Variants in EPSTI1 observed in about 807,000 individuals in gnomAD.
EPSTI1 encodes the protein epithelial stromal interaction 1.
In EPSTI1, 66 loss-of-function variants were observed where a neutral mutation model predicts 49.9. The observed-to-expected ratio is 1.32, with a 90% CI of 1.08 to 1.62. The LOEUF (loss-of-function observed/expected upper bound fraction) is 1.62. EPSTI1 is among the 40% of genes most tolerant of loss of function. The pLI is 0.00. For synonymous variants in EPSTI1, 137 were observed against 130.7 expected (o/e 1.05, Z -0.33); for missense variants, 394 against 365.5 (o/e 1.08, Z -0.64).
intron 10 of EPSTI1, chr13:42,889,193 T>A: frequency 1.3e-6 from 2 of 1,563,496 alleles, no homozygotes; most frequent in Non-Finnish European, 1.7e-6. Context: ...TTTAAAGGGA[T>A]GTTTTTAAGT....
chr13:42,951,552 T>A (rs761518316), intron 6 of EPSTI1, among the ~76,000 whole-genome samples: 35 of 152,232 alleles, frequency 2.3e-4, no homozygotes, highest in Non-Finnish European at 4.6e-4. Flanking sequence ...GCAGGCCAGG[T>A]GGCTGAGGGC....
At chr13:42,916,023 T>C (rs1248923164) in intron 8 of EPSTI1, among the ~76,000 whole-genome samples, 1 of 152,076 alleles carries the variant, frequency 6.6e-6, no homozygotes, top group Non-Finnish European at 1.5e-5. Context: ...TAAAAATAAA[T>C]CATATCTACA....
Position 42,970,632 on chromosome 13 carries a change from C to G in EPSTI1, c.227G>C (p.Arg76Pro). ...CATACTTCTTTGTATCTCATTTCTCCGGTTTATATTTGGTGCTATCAAGGT... is the reference window on the plus strand; with the variant it reads ...CATACTTCTTTGTATCTCATTTCTCGGGTTTATATTTGGTGCTATCAAGGT... ...AYTLIAPNIN[R>P]RNEIQRIAEQ... is the part of the protein sequence containing the mutation. The change falls in exon 2 of 11, where the codon CGG (arginine) becomes CCG (proline). Residue 76 changes from arginine (R) to proline (P), a missense_variant. Coordinates refer to ENST00000313624, the MANE Select transcript of EPSTI1 (RefSeq NM_033255.5). 1 of 1,609,560 alleles carries G rather than the reference C, an allele frequency of 6.2e-7. No individual in the cohort carries two copies. The highest frequency in any genetic ancestry group is 8.5e-7 in the Non-Finnish European group (1 of 1,178,532).
intron 6 of EPSTI1, among the ~76,000 whole-genome samples, chr13:42,949,117 C>A (rs111767117): frequency 6.6e-6 from 1 of 152,112 alleles, no homozygotes; most frequent in Non-Finnish European, 1.5e-5. Flanking sequence ...AGATAGCAGA[C>A]CCTGAAGGAA....
intron 10 of EPSTI1, 115 bp from the exon 11 acceptor site, chr13:42,888,617 C>G: frequency 9.1e-7 from 1 of 1,093,940 alleles, no homozygotes; most frequent in South Asian, 1.7e-5. Flanking sequence ...CTGAAATGAC[C>G]ATTTTTTAAA....
chr13:42,965,266 T>C (rs1233373948), intron 3 of EPSTI1, among the ~76,000 whole-genome samples: 1 of 152,162 alleles, frequency 6.6e-6, no homozygotes, highest in Admixed American at 6.5e-5. Context: ...CATTTACAAG[T>C]TTTGTTCAAA....
rs1182258386 is a variant in EPSTI1 at position 42,919,191 on chromosome 13, A to G, written c.658-1567T>C. 6 of 936,984 alleles carry G rather than the reference A, an allele frequency of 6.4e-6. No homozygotes were observed. In the East Asian group the frequency reaches 1.3e-4, roughly 20 times the overall value. 58.0% of individuals were successfully genotyped at this position (936,984 alleles called of 1,614,324 possible). ...ACTCAGAAAAAAGTGGTTATTAAAT[A>G]CCTTATTATTAAATAAGGTGCCTTA... is the stretch of plus-strand genomic sequence containing the variant. On this transcript the variant is annotated intron_variant, in intron 7 of 10. Transcript: ENST00000313624.
intron 8 of EPSTI1, among the ~76,000 whole-genome samples, chr13:42,907,014 T>A (rs2037517211): frequency 6.6e-6 from 1 of 152,214 alleles, no homozygotes; most frequent in South Asian, 2.1e-4. Context: ...TATCTAGCTA[T>A]TTTGTAAGGT....
intron 6 of EPSTI1, among the ~76,000 whole-genome samples, chr13:42,948,426 T>TTG: frequency 1.1e-5 from 1 of 93,018 alleles, no homozygotes; most frequent in African/African-American, 6.3e-5. Context: ...TGGCTTGTTG[T>TTG]TTTTTTTTTT....
At chr13:42,944,703 C>T (rs2038867757) in intron 6 of EPSTI1, among the ~76,000 whole-genome samples, 1 of 150,150 alleles carries the variant, frequency 6.7e-6, no homozygotes, top group African/African-American at 2.5e-5. Flanking sequence ...CTGGCACTCA[C>T]AGCTAGGCCT....
chr13:42,974,514 C>T (rs1283218680), intron 1 of EPSTI1, among the ~76,000 whole-genome samples: 1 of 151,936 alleles, frequency 6.6e-6, no homozygotes, highest in East Asian at 1.9e-4. Context: ...AAAAAATTAG[C>T]CGGGCGTGGT....
At chr13:42,916,002 T>G (rs2037819387) in intron 8 of EPSTI1, among the ~76,000 whole-genome samples, 1 of 152,084 alleles carries the variant, frequency 6.6e-6, no homozygotes, top group Non-Finnish European at 1.5e-5. Context: ...TAAAATCCAC[T>G]AGAAGTTATT....
intron 8 of EPSTI1, among the ~76,000 whole-genome samples, chr13:42,900,706 C>A (rs17543853): frequency 0.065 from 9,854 of 151,848 alleles, 383 homozygotes; most frequent in South Asian, 0.09. Context: ...TTACAGAGAA[C>A]AACAAATCAA....
intron 6 of EPSTI1, among the ~76,000 whole-genome samples, chr13:42,938,708 G>A (rs567209193): frequency 6.6e-6 from 1 of 152,028 alleles, no homozygotes; most frequent in African/African-American, 2.4e-5. Context: ...GAGGTCAGGA[G>A]TTCAAGACAA....
intron 8 of EPSTI1, among the ~76,000 whole-genome samples, chr13:42,907,008 T>C (rs1381364577): frequency 6.6e-6 from 1 of 152,214 alleles, no homozygotes; most frequent in Non-Finnish European, 1.5e-5. Context: ...GCCTCTTATC[T>C]AGCTATTTTG....
chr13:42,936,342 A>C (rs1277224783), intron 6 of EPSTI1, among the ~76,000 whole-genome samples: 1 of 152,202 alleles, frequency 6.6e-6, no homozygotes, highest in Non-Finnish European at 1.5e-5. Context: ...TAAATGCCAA[A>C]TCTATTCCCA....
In EPSTI1 at chr13:42,926,446, C is replaced by T. The variant is rs2038182040; in HGVS notation, c.564-17G>A. Reference sequence around the variant, plus strand: ...GCGGTTTTGCTACCAGAAACACAAACAGGTGTTAGTGCCTTCACAAAAATA... The same window carrying T: ...GCGGTTTTGCTACCAGAAACACAAATAGGTGTTAGTGCCTTCACAAAAATA... On this transcript the variant is annotated splice_polypyrimidine_tract_variant and intron_variant, in intron 6 of 10. Coordinates refer to ENST00000313624, the MANE Select transcript of EPSTI1 (RefSeq NM_033255.5). 2.0e-6 allele frequency: 3 copies of T among 1,473,796 alleles called. No homozygotes were observed. The highest frequency in any genetic ancestry group is 1.7e-4 in the Middle Eastern group (1 of 5,796). 91.3% of individuals were successfully genotyped at this position (1,473,796 alleles called of 1,614,324 possible).
chr13:42,935,007 C>T (rs531517263), intron 6 of EPSTI1: 1 of 152,386 alleles, frequency 6.6e-6, no homozygotes, highest in East Asian at 1.9e-4. Flanking sequence ...GCTGCCCCCC[C>T]ACAGGCTGTG....
chr13:42,931,191 CTTTTTTTTTTTTT>C (rs57488808), intron 6 of EPSTI1, among the ~76,000 whole-genome samples: 1 of 77,628 alleles, frequency 1.3e-5, no homozygotes, highest in Non-Finnish European at 2.5e-5. Context: ...TTGCCTACAG[CTTTTTTTTTTTTT>C]TTTTTTTTTT....
Sources: gnomAD v4.1 joint callset for allele counts (sites outside exome capture counted in the v4.1 genomes callset) on GRCh38, gnomAD v4.1.1 for gene constraint, MANE v1.5 for transcripts, NCBI Gene and HGNC (gene_info 2026-07-23, HGNC 2026-07-21) for gene names.